KIRREL1: variants seen among roughly 807,000 people sequenced by gnomAD.
The protein encoded by KIRREL1 is kirre like nephrin family adhesion molecule 1.
Under a neutral mutation model 83.3 loss-of-function variants are expected in KIRREL1, and 25 were observed. The observed-to-expected ratio is 0.30, with a 90% CI of 0.22 to 0.42. The LOEUF is 0.42. KIRREL1 is among the 10% of genes least tolerant of loss of function. KIRREL1 has a pLI of 1.00. For synonymous variants in KIRREL1, 388 were observed against 410.4 expected (o/e 0.95, Z 0.66); for missense variants, 812 against 1,032.3 (o/e 0.79, Z 2.92).
Position 158,097,122 on chromosome 1 carries a change from C to T in KIRREL1, c.*2002C>T. The T allele has an allele frequency of 2.2e-6, 1 of 455,358 alleles. No individual in the cohort carries two copies. The allele number at this position is 455,358 out of a possible 1,614,324, so 28.2% of individuals were successfully genotyped here. On this transcript the variant is annotated 3_prime_UTR_variant, in exon 15 of 15. Transcript: ENST00000359209. ...GGGCCCTATCTGGGGCATTTACAGG[C>T]TTCCAGCTGTATTCCATCCCTGGAA...
intron 1 of KIRREL1, among the ~76,000 whole-genome samples, chr1:158,023,685 T>C (rs1412199320): frequency 1.3e-5 from 2 of 152,222 alleles, no homozygotes; most frequent in East Asian, 3.8e-4. Flanking sequence ...AAAATCATTT[T>C]ACTGCTCTAA....
At chr1:158,049,388 G>A (rs990368313) in intron 1 of KIRREL1, among the ~76,000 whole-genome samples, 3 of 152,178 alleles carry the variant, frequency 2.0e-5, no homozygotes, top group African/African-American at 7.2e-5. Flanking sequence ...GGAGAGGAGT[G>A]AGTCAAGTGA....
At chr1:158,088,515 C>T (rs552582369) in intron 8 of KIRREL1, 61 bp downstream of exon 8, 15 of 1,374,824 alleles carry the variant, frequency 1.1e-5, no homozygotes, top group East Asian at 5.2e-5. Flanking sequence ...GACGGAGTCT[C>T]GCTCTGTCGC....
chr1:158,075,788 G>C (rs1661662185), intron 1 of KIRREL1, among the ~76,000 whole-genome samples: 2 of 152,174 alleles, frequency 1.3e-5, no homozygotes, highest in South Asian at 4.1e-4. Context: ...TGTCCTCCCT[G>C]GAAGTCAGGG....
intron 1 of KIRREL1, among the ~76,000 whole-genome samples, chr1:158,010,361 A>ACACACACAC (rs1491267940): frequency 0.014 from 737 of 51,590 alleles, 21 homozygotes; most frequent in African/African-American, 0.033. Context: ...ACACACACAC[A>ACACACACAC]CCCCACACAG....
At chr1:158,034,264 C>G (rs1364519679) in intron 1 of KIRREL1, among the ~76,000 whole-genome samples, 1 of 94,190 alleles carries the variant, frequency 1.1e-5, no homozygotes, top group African/African-American at 4.0e-5. Flanking sequence ...AGCTAGACTC[C>G]GTCTCAAAAA....
At chr1:158,016,333 C>A (rs538314921) in intron 1 of KIRREL1, among the ~76,000 whole-genome samples, 40 of 151,940 alleles carry the variant, frequency 2.6e-4, no homozygotes, top group African/African-American at 8.9e-4. Context: ...AAGAAAATGT[C>A]AACTACTATT....
At chr1:158,078,163 G>T (rs1335163001) in intron 3 of KIRREL1, 23 bp downstream of exon 3, 1 of 1,608,310 alleles carries the variant, frequency 6.2e-7, no homozygotes, top group South Asian at 1.1e-5. Context: ...ATACCCTTCA[G>T]TACTTCGAGG....
intron 9 of KIRREL1, 41 bp from the exon 10 acceptor site, chr1:158,089,677 C>G (rs576363418): frequency 6.2e-7 from 1 of 1,613,746 alleles, no homozygotes; most frequent in Non-Finnish European, 8.5e-7. Flanking sequence ...GCTGGTACTG[C>G]AGTTTTTAAC....
intron 1 of KIRREL1, among the ~76,000 whole-genome samples, chr1:158,055,663 C>T (rs1661036830): frequency 6.6e-6 from 1 of 152,180 alleles, no homozygotes; most frequent in African/African-American, 2.4e-5. Context: ...ATTTATATGT[C>T]GCCAGGGCTG....
chr1:158,079,127 C>T (rs960346664), intron 3 of KIRREL1, among the ~76,000 whole-genome samples: 5 of 152,204 alleles, frequency 3.3e-5, no homozygotes, highest in Non-Finnish European at 5.9e-5. Flanking sequence ...TCTTTCTTCC[C>T]TATTTACATT....
At chr1:158,087,576 C>T (rs1467489518) in intron 5 of KIRREL1, among the ~76,000 whole-genome samples, 179 bp from the exon 6 acceptor site, 1 of 152,024 alleles carries the variant, frequency 6.6e-6, no homozygotes, top group South Asian at 2.1e-4. Context: ...CTAGCAGGCC[C>T]CCTAGAGGCT....
chr1:158,037,294 A>G (rs1570937062), intron 1 of KIRREL1, among the ~76,000 whole-genome samples: 1 of 152,098 alleles, frequency 6.6e-6, no homozygotes, highest in Admixed American at 6.5e-5. Flanking sequence ...GGACTTCAAG[A>G]TCAGCCTGGC....
intron 1 of KIRREL1, among the ~76,000 whole-genome samples, chr1:158,058,987 CG>C (rs1445654777): frequency 7.2e-5 from 11 of 152,140 alleles, no homozygotes; most frequent in Admixed American, 7.2e-4. Flanking sequence ...TGGCAGGACC[CG>C]GAGGGAGAGA....
intron 1 of KIRREL1, chr1:158,030,672 T>C (rs1308423599): frequency 2.0e-5 from 3 of 152,222 alleles, no homozygotes; most frequent in African/African-American, 7.2e-5. Flanking sequence ...ATTTTGCAAA[T>C]TGTGAAATTA....
chr1:158,057,456 C>G (rs1447221566), intron 1 of KIRREL1, among the ~76,000 whole-genome samples: 1 of 152,126 alleles, frequency 6.6e-6, no homozygotes, highest in African/African-American at 2.4e-5. Flanking sequence ...TAATTTGTCT[C>G]CAGGGCTTTT....
intron 1 of KIRREL1, among the ~76,000 whole-genome samples, chr1:158,008,032 C>T (rs138571757): frequency 1.3e-5 from 2 of 152,148 alleles, no homozygotes; most frequent in Non-Finnish European, 2.9e-5. Context: ...GGAGGCCCCC[C>T]TCTCGCCCTC....
In KIRREL1 at chr1:158,023,359, G is replaced by T. The variant is rs1369365299; in HGVS notation, c.52+29631G>T. On this transcript the variant is annotated intron_variant, in intron 1 of 14. Transcript: ENST00000359209. ...AGTTTCAATTCAGCAAGCATTTATT[G>T]AGTGCCAGGCACTGTTCAGTGCTGA... Among the ~76,000 whole-genome samples the T allele has an allele frequency of 2.0e-5, 3 of 152,174 alleles. No homozygotes were observed. In the East Asian group the frequency reaches 5.8e-4, roughly 29 times the overall value.
chr1:158,086,584 G>C lies in KIRREL1; in HGVS notation c.511-12G>C. On this transcript the variant is annotated splice_polypyrimidine_tract_variant and intron_variant, in intron 4 of 14. Coordinates refer to ENST00000359209, the MANE Select transcript of KIRREL1 (RefSeq NM_018240.7). The stretch of plus-strand genomic sequence containing the variant: ...TAGCTTAACCATATCTCCCACCCTT[G>C]TCATGTTCCAGGAATTGCTGAAGGA... 6.4e-7 allele frequency: 1 copy of C among 1,551,680 alleles called. No individual in the cohort carries two copies. Among genetic ancestry groups the C allele is most frequent in the Non-Finnish European group, 8.7e-7 (1 of 1,146,946 alleles).
Sources: gnomAD v4.1 joint callset for allele counts (sites outside exome capture counted in the v4.1 genomes callset) on GRCh38, gnomAD v4.1.1 for gene constraint, MANE v1.5 for transcripts, NCBI Gene and HGNC (gene_info 2026-07-23, HGNC 2026-07-21) for gene names.